The following ZDHHC15 variants were observed in gnomAD, a reference collection of about 807,000 sequenced individuals.
ZDHHC15 encodes the protein palmitoyltransferase ZDHHC15.
A neutral mutation model predicts 31.7 loss-of-function variants in ZDHHC15; 19 were observed. The ratio of observed to expected loss-of-function variants is 0.60; its 90% confidence interval spans 0.42 to 0.88. The LOEUF (loss-of-function observed/expected upper bound fraction) is 0.88, where lower values mean the gene tolerates loss of function less well. Among genes scored for constraint, ZDHHC15 ranks in the 40% least tolerant of loss-of-function variants. The pLI is 0.00. For synonymous variants in ZDHHC15, 103 were observed against 90.0 expected (o/e 1.14, Z -0.82); for missense variants, 209 against 251.2 (o/e 0.83, Z 1.14).
chrX:75,420,762 C>T (rs942893457), intron 9 of ZDHHC15, among the ~76,000 whole-genome samples: 1 of 110,716 alleles, frequency 9.0e-6, no homozygotes, highest in Admixed American at 9.7e-5. Flanking sequence ...AATGAGAACA[C>T]ATGGACATAG....
At chrX:75,514,902 G>C (rs1052171032) in intron 1 of ZDHHC15, among the ~76,000 whole-genome samples, 12 of 111,570 alleles carry the variant, frequency 1.1e-4, no homozygotes, top group Admixed American at 4.8e-4. Context: ...TATCACCACT[G>C]ATCCCACAGA....
chrX:75,374,653 AT>A (rs1189592781), intron 11 of ZDHHC15, among the ~76,000 whole-genome samples: 1 of 97,635 alleles, frequency 1.0e-5, no homozygotes, highest in Non-Finnish European at 2.0e-5. Flanking sequence ...GGAAAAGTAA[AT>A]TTTAGTGTGT....
At position 75,368,882 on chromosome X, in the gene ZDHHC15, C is replaced by A. The variant is rs1307977059; in HGVS notation, c.*4096G>T. On this transcript the variant is annotated 3_prime_UTR_variant, in exon 12 of 12. Transcript: ENST00000373367. ...AACACTGTGCAGGACACAGACCTAA[C>A]CCTTTTAGGGAAGTAAACAGTCATG... 9.0e-6 allele frequency: 1 copy of A among 111,682 alleles called. No homozygotes were observed. The highest frequency in any genetic ancestry group is 3.3e-5 in the African/African-American group (1 of 30,642). The allele number at this position is 111,682 out of a possible 1,213,427, so 9.2% of individuals were successfully genotyped here. A position where few individuals can be genotyped will look rare whatever the true frequency, so the allele number is the denominator to read the frequency against.
chrX:75,435,118 G>A (rs1467346239), intron 4 of ZDHHC15, among the ~76,000 whole-genome samples: 1 of 111,620 alleles, frequency 9.0e-6, no homozygotes, highest in South Asian at 3.7e-4. Context: ...AAAAGTAGTG[G>A]AGTTCTTGAT....
rs764335966 is a variant in ZDHHC15 at position 75,450,748 on chromosome X, C to A, written c.379+54G>T. 108 of 1,207,473 alleles carry A rather than the reference C, an allele frequency of 8.9e-5. No homozygotes were observed. The Middle Eastern group carries it at 2.1e-3, about 23-fold the overall frequency. On this transcript the variant is annotated intron_variant, in intron 4 of 11. Transcript: ENST00000373367. ...TAGTTTGAGAACATATATGACTTAG[C>A]CTTTCTGAGATACTTGCTGAGCTGC... is the stretch of plus-strand genomic sequence containing the variant.
intron 10 of ZDHHC15, among the ~76,000 whole-genome samples, chrX:75,380,589 C>T (rs2083103549): frequency 9.0e-6 from 1 of 111,474 alleles, no homozygotes; most frequent in African/African-American, 3.3e-5. Flanking sequence ...TTTGGTTTCA[C>T]TCCCAGGATA....
In ZDHHC15 at chrX:75,384,469, A is replaced by T. The variant is rs61746447; in HGVS notation, c.968-5271T>A. On this transcript the variant is annotated intron_variant, in intron 10 of 11. Coordinates refer to ENST00000373367, the MANE Select transcript of ZDHHC15 (RefSeq NM_144969.3). Reference sequence around the variant, plus strand: ...CTATAAGAAAGGTGATATTGTAGACATCAAGGGAATGGGTACTGTTCAAAA... The same window carrying T: ...CTATAAGAAAGGTGATATTGTAGACTTCAAGGGAATGGGTACTGTTCAAAA... 1.5e-3 allele frequency: 1,136 copies of T among 751,139 alleles called. 12 individuals carry two copies. In the African/African-American group the frequency reaches 0.021, roughly 14 times the overall value. 61.9% of individuals were successfully genotyped at this position (751,139 alleles called of 1,213,427 possible). A position where few individuals can be genotyped will look rare whatever the true frequency, so the allele number is the denominator to read the frequency against.
At chrX:75,475,512 T>C (rs1187342372) in intron 3 of ZDHHC15, among the ~76,000 whole-genome samples, 1 of 112,265 alleles carries the variant, frequency 8.9e-6, no homozygotes, top group Non-Finnish European at 1.9e-5. Flanking sequence ...GCATGGTTGT[T>C]GAAGATTTCT....
intron 3 of ZDHHC15, among the ~76,000 whole-genome samples, chrX:75,476,961 T>A (rs1165726954): frequency 1.8e-5 from 2 of 111,299 alleles, no homozygotes; most frequent in Non-Finnish European, 3.8e-5. Flanking sequence ...TTTTTTAAGA[T>A]GAAAAGTCAG....
chrX:75,460,018 G>A (rs2084286752), intron 3 of ZDHHC15, among the ~76,000 whole-genome samples: 1 of 112,248 alleles, frequency 8.9e-6, no homozygotes, highest in Admixed American at 9.4e-5. Flanking sequence ...TGGGATTACA[G>A]GCATGGGCCA....
intron 4 of ZDHHC15, chrX:75,450,532 G>A (rs1445377866): frequency 7.2e-6 from 1 of 138,090 alleles, no homozygotes; most frequent in African/African-American, 3.2e-5. Flanking sequence ...ATAAATAGAG[G>A]TATGCATATG....
At chrX:75,381,423 T>G (rs986000156) in intron 10 of ZDHHC15, among the ~76,000 whole-genome samples, 2 of 111,698 alleles carry the variant, frequency 1.8e-5, no homozygotes, top group African/African-American at 6.5e-5. Context: ...TTAAAATGTC[T>G]CTTGGGTTTG....
At chrX:75,484,837 T>G (rs935261962) in intron 2 of ZDHHC15, among the ~76,000 whole-genome samples, 1 of 112,171 alleles carries the variant, frequency 8.9e-6, no homozygotes, top group Non-Finnish European at 1.9e-5. Flanking sequence ...AACTGGTGAA[T>G]AAATAAGCAA....
intron 4 of ZDHHC15, among the ~76,000 whole-genome samples, chrX:75,439,866 A>G (rs2083914138): frequency 1.8e-5 from 2 of 111,434 alleles, no homozygotes; most frequent in Non-Finnish European, 3.8e-5. Flanking sequence ...TGATCCCTTG[A>G]TGTGGTGTTC....
intron 10 of ZDHHC15, among the ~76,000 whole-genome samples, chrX:75,391,146 G>C (rs1172565722): frequency 8.9e-6 from 1 of 111,816 alleles, no homozygotes; most frequent in Non-Finnish European, 1.9e-5. Context: ...TAGTGAGCTT[G>C]AGGACAGGCT....
intron 1 of ZDHHC15, among the ~76,000 whole-genome samples, chrX:75,519,126 A>G (rs899284792): frequency 6.4e-5 from 7 of 109,886 alleles, no homozygotes; most frequent in Non-Finnish European, 1.3e-4. Context: ...AACTACATAG[A>G]GGTGATGGCT....
At chrX:75,377,702 G>A (rs2083075075) in intron 11 of ZDHHC15, among the ~76,000 whole-genome samples, 1 of 110,341 alleles carries the variant, frequency 9.1e-6, no homozygotes, top group Non-Finnish European at 1.9e-5. Flanking sequence ...CGAAATACTA[G>A]GTTCCATGAT....
intron 1 of ZDHHC15, among the ~76,000 whole-genome samples, chrX:75,510,712 G>A (rs1368933104): frequency 1.3e-5 from 1 of 79,126 alleles, no homozygotes; most frequent in Non-Finnish European, 2.4e-5. Flanking sequence ...ATCTCCCAAT[G>A]CTATCCCTCC....
intron 10 of ZDHHC15, among the ~76,000 whole-genome samples, chrX:75,413,661 T>C (rs1219745431): frequency 9.9e-6 from 1 of 100,806 alleles, no homozygotes; most frequent in African/African-American, 3.7e-5. Flanking sequence ...CGAGACTCCG[T>C]CTCAAGAAAA....
Sources: allele counts gnomAD v4.1 joint callset (sites outside exome capture counted in the v4.1 genomes callset), GRCh38; gene constraint gnomAD v4.1.1; transcripts MANE v1.5; gene names NCBI Gene and HGNC (gene_info 2026-07-23, HGNC 2026-07-21).